NSRP1: variants seen among roughly 807,000 people sequenced by gnomAD.
NSRP1 encodes nuclear speckle splicing regulatory protein 1.
Under a neutral mutation model 54.7 loss-of-function variants are expected in NSRP1, and 24 were observed. The ratio of observed to expected loss-of-function variants is 0.44; its 90% confidence interval spans 0.32 to 0.62. The LOEUF is 0.62. NSRP1 is among the 20% of genes least tolerant of loss of function. The pLI is 0.06. For missense variants in NSRP1, 596 were observed against 651.2 expected (o/e 0.92, Z 0.92); for synonymous variants, 210 against 213.8 (o/e 0.98, Z 0.15).
chr17:30,143,772 G>A (rs1011422123), intron 2 of NSRP1, among the ~76,000 whole-genome samples: 1 of 151,958 alleles, frequency 6.6e-6, no homozygotes, highest in African/African-American at 2.4e-5. Flanking sequence ...TTGCATTTCC[G>A]ATAGCACAGT....
intron 4 of NSRP1, among the ~76,000 whole-genome samples, chr17:30,178,702 G>A (rs1567807026): frequency 6.6e-6 from 1 of 152,058 alleles, no homozygotes; most frequent in East Asian, 1.9e-4. Flanking sequence ...ATTTGCATCT[G>A]ACAGTTATCT....
chr17:30,131,442 A>C (rs2071698670), intron 2 of NSRP1, among the ~76,000 whole-genome samples: 1 of 152,240 alleles, frequency 6.6e-6, no homozygotes, highest in Non-Finnish European at 1.5e-5. Flanking sequence ...GCAATAAAGT[A>C]AATATCTCAG....
intron 2 of NSRP1, chr17:30,122,373 A>ATATATATG (rs2071608858): frequency 3.7e-5 from 1 of 26,960 alleles, no homozygotes; most frequent in Non-Finnish European, 7.4e-5. Flanking sequence ...ATATATATAT[A>ATATATATG]TATATATATA....
chr17:30,137,923 A>G (rs2071764374), intron 2 of NSRP1, among the ~76,000 whole-genome samples: 1 of 152,102 alleles, frequency 6.6e-6, no homozygotes, highest in Non-Finnish European at 1.5e-5. Context: ...ATGCATTTAC[A>G]CTGTTGTTCA....
intron 5 of NSRP1, among the ~76,000 whole-genome samples, chr17:30,179,684 T>C (rs1443727702): frequency 6.6e-6 from 1 of 151,964 alleles, no homozygotes; most frequent in Non-Finnish European, 1.5e-5. Flanking sequence ...AATAATAGAG[T>C]AACACCACTC....
intron 2 of NSRP1, among the ~76,000 whole-genome samples, chr17:30,151,774 CTTTTTT>C (rs780507533): frequency 2.0e-5 from 1 of 48,918 alleles, no homozygotes; most frequent in Non-Finnish European, 3.9e-5. Context: ...TTGTCACTTT[CTTTTTT>C]TTTTTTTTTT....
At chr17:30,121,566 G>A (rs2071597292) in intron 2 of NSRP1, among the ~76,000 whole-genome samples, 1 of 139,124 alleles carries the variant, frequency 7.2e-6, no homozygotes, top group African/African-American at 3.0e-5. Flanking sequence ...GCGTGTGTGT[G>A]TGTGTTTTTT....
intron 2 of NSRP1, among the ~76,000 whole-genome samples, chr17:30,162,082 C>T (rs958840356): frequency 1.8e-4 from 27 of 148,368 alleles, no homozygotes; most frequent in African/African-American, 6.2e-4. Flanking sequence ...AGTGCAGTGG[C>T]GCAGTCTCAG....
chr17:30,163,056 TG>T (rs1207848871), intron 2 of NSRP1: 1 of 151,870 alleles, frequency 6.6e-6, no homozygotes, highest in Admixed American at 6.6e-5. Flanking sequence ...ATTTTTTTTT[TG>T]TATTTTTAGT....
chr17:30,185,689 G>T lies in NSRP1; in HGVS notation c.*15G>T. On this transcript the variant is annotated 3_prime_UTR_variant, in exon 7 of 7. Transcript: ENST00000247026. ...AAGATGATTGATGGCTACCCCAAGAGAAAGATTTAAGGAAGCACAGAAAAC... is the reference window on the plus strand; with the variant it reads ...AAGATGATTGATGGCTACCCCAAGATAAAGATTTAAGGAAGCACAGAAAAC... 1 of 1,530,458 alleles carries T rather than the reference G, an allele frequency of 6.5e-7. No individual in the cohort carries two copies. Among genetic ancestry groups the T allele is most frequent in the Admixed American group, 2.2e-5 (1 of 44,874 alleles). 94.8% of individuals were successfully genotyped at this position (1,530,458 alleles called of 1,614,324 possible).
At chr17:30,141,929 A>G (rs889391100) in intron 2 of NSRP1, among the ~76,000 whole-genome samples, 2 of 152,188 alleles carry the variant, frequency 1.3e-5, no homozygotes, top group Non-Finnish European at 2.9e-5. Flanking sequence ...GCTTGAGCCC[A>G]GGAGGTGGAG....
At position 30,152,357 on chromosome 17, in the gene NSRP1, A is replaced by G. The variant is rs868535645; in HGVS notation, c.115-20185A>G. Among the ~76,000 whole-genome samples the G allele has an allele frequency of 2.0e-5, 3 of 149,158 alleles. No homozygotes were observed. The South Asian group carries it at 6.4e-4, about 32-fold the overall frequency. ...CTGGTCTTGAACTCCTGACCTCATG[A>G]TCTGCCCGCCTCAGCCTCCCAAAGT... On this transcript the variant is annotated intron_variant, in intron 2 of 6. Coordinates refer to ENST00000247026, the MANE Select transcript of NSRP1 (RefSeq NM_032141.4).
intron 2 of NSRP1, among the ~76,000 whole-genome samples, chr17:30,147,992 T>C (rs1224164183): frequency 6.6e-6 from 1 of 151,916 alleles, no homozygotes; most frequent in Non-Finnish European, 1.5e-5. Flanking sequence ...TTTGTATTTT[T>C]GGTAGAGTTG....
chr17:30,166,887 C>G (rs958986123), intron 2 of NSRP1, among the ~76,000 whole-genome samples: 4 of 152,152 alleles, frequency 2.6e-5, no homozygotes, highest in Non-Finnish European at 5.9e-5. Flanking sequence ...AATCACACCA[C>G]TGCACTCCAA....
chr17:30,132,278 T>TGCA (rs963064995), intron 2 of NSRP1, among the ~76,000 whole-genome samples: 15 of 133,892 alleles, frequency 1.1e-4, no homozygotes, highest in Non-Finnish European at 2.0e-4. Context: ...AAGAAACCAG[T>TGCA]GCAGTGGCTC....
intron 2 of NSRP1, among the ~76,000 whole-genome samples, chr17:30,143,603 T>C (rs1398985629): frequency 2.0e-5 from 3 of 152,232 alleles, no homozygotes; most frequent in African/African-American, 7.2e-5. Context: ...GTGTGCTAGT[T>C]GTTACCAACA....
Position 30,185,668 on chromosome 17 carries a change from T to A in NSRP1, c.1671T>A (p.Asp557Glu), listed in dbSNP as rs753470842. 23 of 1,564,998 alleles carry A rather than the reference T, an allele frequency of 1.5e-5. No individual in the cohort carries two copies. Among genetic ancestry groups the A allele is most frequent in the Non-Finnish European group, 2.0e-5 (23 of 1,161,280 alleles). Reference protein sequence around the residue: ...VNAKTYIEKEDD With the variant: ...VNAKTYIEKEED Reference sequence around the variant, plus strand: ...CAAAGACCTATATTGAGAAAGAAGATGATTGATGGCTACCCCAAGAGAAAG... The same window carrying A: ...CAAAGACCTATATTGAGAAAGAAGAAGATTGATGGCTACCCCAAGAGAAAG... Residue 557 changes from aspartate to glutamate, a missense_variant, in exon 7 of 7, where the codon GAT becomes GAA. Transcript: ENST00000247026.
intron 2 of NSRP1, among the ~76,000 whole-genome samples, chr17:30,148,941 T>C: frequency 6.6e-6 from 1 of 152,234 alleles, no homozygotes; most frequent in East Asian, 1.9e-4. Context: ...TGTTCATCTA[T>C]ATTTTGTTGA....
At chr17:30,154,548 A>G (rs746806184) in intron 2 of NSRP1, 6 of 151,848 alleles carry the variant, frequency 4.0e-5, no homozygotes, top group Non-Finnish European at 8.8e-5. Flanking sequence ...CCCTGTCTCT[A>G]CAAAACACTA....
Sources: gnomAD v4.1 joint callset for allele counts (sites outside exome capture counted in the v4.1 genomes callset) on GRCh38, gnomAD v4.1.1 for gene constraint, MANE v1.5 for transcripts, NCBI Gene and HGNC (gene_info 2026-07-23, HGNC 2026-07-21) for gene names.